Variants in PTPN4 observed in about 807,000 individuals in gnomAD.
The protein encoded by PTPN4 is tyrosine-protein phosphatase non-receptor type 4.
PTPN4 carries 49 observed loss-of-function variants against 135.5 expected under a neutral mutation model. The observed-to-expected ratio is 0.36, with a 90% CI of 0.29 to 0.46. PTPN4 has a LOEUF of 0.46. Among genes scored for constraint, PTPN4 ranks in the 20% least tolerant of loss-of-function variants. PTPN4 has a pLI of 1.00. For synonymous variants in PTPN4, 333 were observed against 369.9 expected (o/e 0.90, Z 1.14); for missense variants, 860 against 1,101.0 (o/e 0.78, Z 3.10).
At chr2:119,859,219 A>G (rs1195819648) in intron 2 of PTPN4, among the ~76,000 whole-genome samples, 1 of 152,186 alleles carries the variant, frequency 6.6e-6, no homozygotes, top group Non-Finnish European at 1.5e-5. Context: ...TTGTCAGATA[A>G]TTCCAATATC....
chr2:119,974,678 A>C (rs1679588511), intron 26 of PTPN4, among the ~76,000 whole-genome samples: 1 of 152,170 alleles, frequency 6.6e-6, no homozygotes, highest in African/African-American at 2.4e-5. Context: ...CCTGATTTAG[A>C]ATCAGTAGTT....
At chr2:119,790,884 T>C (rs1204293761) in intron 1 of PTPN4, among the ~76,000 whole-genome samples, 3 of 152,180 alleles carry the variant, frequency 2.0e-5, no homozygotes, top group Admixed American at 2.0e-4. Context: ...TATTTACTTA[T>C]AACTATCTCA....
intron 13 of PTPN4, among the ~76,000 whole-genome samples, chr2:119,929,868 T>C (rs972365183): frequency 3.3e-5 from 5 of 152,178 alleles, no homozygotes; most frequent in African/African-American, 1.2e-4. Flanking sequence ...CAAATGACTT[T>C]TTCCAGCTTT....
chr2:119,788,761 A>G lies in PTPN4; in HGVS notation c.-17-21076A>G, dbSNP rs1246787844. ...ATTGTAGCATGTGTCAGAATTGCCT[A>G]CCTATTTAAAGGCTCAATAACACTT... On this transcript the variant is annotated intron_variant, in intron 1 of 26. Transcript: ENST00000263708. Among the ~76,000 whole-genome samples the G allele has an allele frequency of 5.9e-5, 9 of 152,302 alleles. No homozygotes were observed. In the East Asian group the frequency reaches 1.5e-3, roughly 26 times the overall value.
At chr2:119,924,987 A>G (rs1325775942) in intron 12 of PTPN4, among the ~76,000 whole-genome samples, 1 of 152,202 alleles carries the variant, frequency 6.6e-6, no homozygotes, top group Non-Finnish European at 1.5e-5. Flanking sequence ...ATTCAGATGC[A>G]TTCAGGACTC....
chr2:119,875,278 C>A (rs1677968493), intron 3 of PTPN4, among the ~76,000 whole-genome samples: 2 of 152,162 alleles, frequency 1.3e-5, no homozygotes, highest in Non-Finnish European at 2.9e-5. Flanking sequence ...AACCCTATCT[C>A]ACTGATATCA....
chr2:119,820,515 A>G (rs896108616), intron 2 of PTPN4, among the ~76,000 whole-genome samples: 1 of 152,182 alleles, frequency 6.6e-6, no homozygotes, highest in Admixed American at 6.5e-5. Flanking sequence ...AGAATCCCCC[A>G]AGGAAGCCCT....
At position 119,980,065 on chromosome 2, in the gene PTPN4, C is replaced by T. The variant is rs1487393825; in HGVS notation, c.*2995C>T. ...TCAAAATAGAGGCAGAGTAAACAGC[C>T]TAAGAAATGATTTCCTTTCTACAGT... On this transcript the variant is annotated 3_prime_UTR_variant, in exon 27 of 27. Transcript: ENST00000263708. 2 of 152,006 alleles carry T rather than the reference C, an allele frequency of 1.3e-5. No individual in the cohort carries two copies. Among genetic ancestry groups the T allele is most frequent in the Non-Finnish European group, 2.9e-5 (2 of 67,938 alleles). 9.4% of individuals were successfully genotyped at this position (152,006 alleles called of 1,614,324 possible).
chr2:119,845,113 G>T (rs916987159), intron 2 of PTPN4, among the ~76,000 whole-genome samples: 1 of 148,818 alleles, frequency 6.7e-6, no homozygotes, highest in African/African-American at 2.5e-5. Context: ...GTGGCGGCGC[G>T]AGCCTGCAAT....
intron 15 of PTPN4, among the ~76,000 whole-genome samples, chr2:119,942,047 T>C (rs1221762924): frequency 6.6e-6 from 1 of 152,222 alleles, no homozygotes; most frequent in African/African-American, 2.4e-5. Flanking sequence ...AATGTAATTG[T>C]TTAACTCAAT....
At position 119,979,171 on chromosome 2, in the gene PTPN4, G is replaced by C. The variant is rs1297793477; in HGVS notation, c.*2101G>C. On this transcript the variant is annotated 3_prime_UTR_variant, in exon 27 of 27. Coordinates refer to ENST00000263708, the MANE Select transcript of PTPN4 (RefSeq NM_002830.4). ...GTCGGGGTCTACACATTAAATGACT[G>C]TTTTGGCAGTTTTTCACCTGAATTT... 1.3e-5 allele frequency: 2 copies of C among 152,068 alleles called. No individual in the cohort carries two copies. Among genetic ancestry groups the C allele is most frequent in the Non-Finnish European group, 2.9e-5 (2 of 67,962 alleles). 9.4% of individuals were successfully genotyped at this position (152,068 alleles called of 1,614,324 possible).
intron 1 of PTPN4, among the ~76,000 whole-genome samples, chr2:119,799,270 T>C (rs1010454658): frequency 6.6e-6 from 1 of 152,222 alleles, no homozygotes. Context: ...TGAAAAGTTA[T>C]AAAGCAGGAA....
At chr2:119,780,706 T>C (rs1038384253) in intron 1 of PTPN4, among the ~76,000 whole-genome samples, 1 of 152,250 alleles carries the variant, frequency 6.6e-6, no homozygotes, top group African/African-American at 2.4e-5. Flanking sequence ...GATACCAGTT[T>C]TGGTGATGTT....
chr2:119,871,867 A>G (rs1021122154), intron 3 of PTPN4, among the ~76,000 whole-genome samples: 16 of 152,190 alleles, frequency 1.1e-4, no homozygotes, highest in Non-Finnish European at 2.4e-4. Flanking sequence ...CCCTATGCCT[A>G]CAGATTCATG....
chr2:119,909,713 T>C (rs1301439548), intron 10 of PTPN4, among the ~76,000 whole-genome samples: 2 of 152,168 alleles, frequency 1.3e-5, no homozygotes, highest in East Asian at 1.9e-4. Context: ...CCATTCTAGA[T>C]GCCATTGAGA....
At chr2:119,955,079 G>A in intron 19 of PTPN4, 78 bp from the exon 20 acceptor site, 4 of 1,266,930 alleles carry the variant, frequency 3.2e-6, no homozygotes, top group Non-Finnish European at 4.4e-6. Context: ...ACATTATACA[G>A]TGTATCTGGT....
At chr2:119,885,948 A>G in intron 9 of PTPN4, 66 bp downstream of exon 9, 1 of 1,084,628 alleles carries the variant, frequency 9.2e-7, no homozygotes, top group Non-Finnish European at 1.3e-6. Context: ...AACATTTTTT[A>G]AGATTAGATA....
At chr2:119,790,380 T>G (rs1254277007) in intron 1 of PTPN4, among the ~76,000 whole-genome samples, 1 of 152,272 alleles carries the variant, frequency 6.6e-6, no homozygotes, top group East Asian at 1.9e-4. Context: ...TTTGGGACGT[T>G]GTTTTTAGCT....
At chr2:119,929,150 A>G (rs1678865665) in intron 13 of PTPN4, among the ~76,000 whole-genome samples, 1 of 152,130 alleles carries the variant, frequency 6.6e-6, no homozygotes, top group Non-Finnish European at 1.5e-5. Flanking sequence ...ATAATAAGGT[A>G]TCAGCTACAA....
Sources: allele counts gnomAD v4.1 joint callset (sites outside exome capture counted in the v4.1 genomes callset), GRCh38; gene constraint gnomAD v4.1.1; transcripts MANE v1.5; gene names NCBI Gene and HGNC (gene_info 2026-07-23, HGNC 2026-07-21).